Variants in FBXL17 observed in about 807,000 individuals in gnomAD.
FBXL17 encodes F-box and leucine rich repeat protein 17.
Under a neutral mutation model 66.2 loss-of-function variants are expected in FBXL17, and 22 were observed. The ratio of observed to expected loss-of-function variants is 0.33; its 90% CI spans 0.24 to 0.47. The LOEUF is 0.47. Ranked by LOEUF, FBXL17 falls within the 20% of genes least tolerant of loss-of-function variation. FBXL17 has a pLI of 1.00. For synonymous variants in FBXL17, 474 were observed against 400.5 expected, an observed-to-expected ratio of 1.18 and a Z score of -2.19; for missense variants, 878 against 948.2, an observed-to-expected ratio of 0.93 and a Z score of 0.97.
intron 5 of FBXL17, among the ~76,000 whole-genome samples, chr5:108,188,315 G>A (rs1233258387): frequency 6.6e-6 from 1 of 152,264 alleles, no homozygotes; most frequent in East Asian, 1.9e-4. Context: ...CACAACAGCA[G>A]GTAAATTCTT....
chr5:108,380,808 C>T lies in FBXL17; in HGVS notation c.884G>A (p.Cys295Tyr), dbSNP rs892536279. The T allele has an allele frequency of 2.4e-6, 3 of 1,248,204 alleles. No individual in the cohort carries two copies. In the South Asian group the frequency reaches 1.2e-4, roughly 51 times the overall value. The allele number at this position is 1,248,204 out of a possible 1,614,324, so 77.3% of individuals were successfully genotyped here. A position where few individuals can be genotyped will look rare whatever the true frequency, so the allele number is the denominator to read the frequency against. ...GGACTCCCGACAGTCCGCGTCGCCA[C>T]ATTCATGCTGCTGCTGGGCGGACAA... ...APLSAQQQHE[C>Y]GDADCRESPE... Residue 295 changes from cysteine to tyrosine, a missense_variant, in exon 1 of 9, where the codon TGT becomes TAT. Physicochemically the swap from Cys to Tyr is radical, Grantham distance 194. Coordinates refer to ENST00000542267, the MANE Select transcript of FBXL17 (RefSeq NM_001163315.3).
At chr5:107,949,728 T>C (rs1751436324) in intron 7 of FBXL17, among the ~76,000 whole-genome samples, 1 of 152,226 alleles carries the variant, frequency 6.6e-6, no homozygotes, top group Non-Finnish European at 1.5e-5. Flanking sequence ...CACTTAATGA[T>C]ATGCTAGGAG....
At chr5:108,206,770 A>G (rs1287145138) in intron 5 of FBXL17, among the ~76,000 whole-genome samples, 1 of 152,174 alleles carries the variant, frequency 6.6e-6, no homozygotes, top group Non-Finnish European at 1.5e-5. Context: ...ACATACACCA[A>G]CTGACAGACA....
intron 4 of FBXL17, among the ~76,000 whole-genome samples, chr5:108,301,601 T>C (rs73781315): frequency 0.018 from 2,685 of 151,848 alleles, 80 homozygotes; most frequent in African/African-American, 0.061. Context: ...TGCAGTACCA[T>C]AGGTCTAATC....
chr5:108,031,138 G>A (rs1052900702), intron 6 of FBXL17, among the ~76,000 whole-genome samples: 3 of 151,972 alleles, frequency 2.0e-5, no homozygotes, highest in Non-Finnish European at 4.4e-5. Flanking sequence ...TATATACTCA[G>A]GGAAGCATTA....
intron 7 of FBXL17, among the ~76,000 whole-genome samples, chr5:107,974,513 G>C (rs1268461862): frequency 6.6e-6 from 1 of 152,046 alleles, no homozygotes; most frequent in African/African-American, 2.4e-5. Flanking sequence ...ATTTCCATCA[G>C]ACAATATTTC....
chr5:108,374,946 A>G (rs1369272576), intron 1 of FBXL17, among the ~76,000 whole-genome samples: 1 of 152,150 alleles, frequency 6.6e-6, no homozygotes, highest in Admixed American at 6.5e-5. Context: ...AGAAACTATA[A>G]AAAGAAAACT....
In FBXL17 at chr5:108,365,010, G is replaced by C; in HGVS notation, c.1117-15C>G. The stretch of plus-strand genomic sequence containing the variant: ...TCATCAGTGACCTGTAAGAGAAAAA[G>C]CAATAAATTTAAACTTTTGCTAAAA... On this transcript the variant is annotated splice_polypyrimidine_tract_variant and intron_variant, in intron 2 of 8. Coordinates refer to ENST00000542267, the MANE Select transcript of FBXL17 (RefSeq NM_001163315.3). The C allele has an allele frequency of 6.4e-7, 1 of 1,570,658 alleles. No homozygotes were observed. Among genetic ancestry groups the C allele is most frequent in the Non-Finnish European group, 8.6e-7 (1 of 1,158,014 alleles).
intron 6 of FBXL17, among the ~76,000 whole-genome samples, chr5:108,076,441 T>C (rs1442881893): frequency 6.6e-6 from 1 of 152,194 alleles, no homozygotes; most frequent in Non-Finnish European, 1.5e-5. Context: ...GTTAACATTA[T>C]AATAAGTATA....
At chr5:108,162,675 T>C (rs1432090943) in intron 6 of FBXL17, among the ~76,000 whole-genome samples, 1 of 152,222 alleles carries the variant, frequency 6.6e-6, no homozygotes, top group East Asian at 1.9e-4. Context: ...AAAATTGTTT[T>C]CTACCTATAC....
intron 4 of FBXL17, among the ~76,000 whole-genome samples, chr5:108,343,842 T>C (rs1214056537): frequency 2.0e-5 from 3 of 152,140 alleles, no homozygotes; most frequent in Non-Finnish European, 4.4e-5. Context: ...ACAGCCCAAT[T>C]CAAATTAGTA....
At chr5:107,986,785 A>G (rs888199547) in intron 7 of FBXL17, among the ~76,000 whole-genome samples, 9 of 152,048 alleles carry the variant, frequency 5.9e-5, no homozygotes, top group Middle Eastern at 3.2e-3. Context: ...CCCTATTTAT[A>G]ATGACAATTT....
chr5:108,150,079 T>C (rs1168280170), intron 6 of FBXL17, among the ~76,000 whole-genome samples: 1 of 152,216 alleles, frequency 6.6e-6, no homozygotes, highest in Non-Finnish European at 1.5e-5. Context: ...TCTCTCATCA[T>C]ACATTTTTCT....
At chr5:107,916,572 T>C (rs900482529) in intron 7 of FBXL17, among the ~76,000 whole-genome samples, 3 of 150,996 alleles carry the variant, frequency 2.0e-5, no homozygotes, top group Non-Finnish European at 4.4e-5. Context: ...CAACAATAAA[T>C]AGACATTATG....
chr5:107,964,597 A>G (rs1345780561), intron 7 of FBXL17, among the ~76,000 whole-genome samples: 2 of 152,090 alleles, frequency 1.3e-5, no homozygotes, highest in African/African-American at 4.8e-5. Flanking sequence ...ATTTTGTCCC[A>G]TTATCATTAG....
intron 4 of FBXL17, among the ~76,000 whole-genome samples, chr5:108,330,803 A>T (rs994679484): frequency 6.6e-6 from 1 of 152,090 alleles, no homozygotes; most frequent in African/African-American, 2.4e-5. Context: ...TGCCCACATG[A>T]GCTTTCCACT....
At position 108,146,125 on chromosome 5, in the gene FBXL17, G is replaced by A. The variant is rs558750860; in HGVS notation, c.1745+39992C>T. On this transcript the variant is annotated intron_variant, in intron 6 of 8. Coordinates refer to ENST00000542267, the MANE Select transcript of FBXL17 (RefSeq NM_001163315.3). ...CGGGCACCTGCAGTCCCAGCTACTC[G>A]GGAGGCTGATGCAGGAGAATGGCGT... 1.5e-3 allele frequency among the ~76,000 whole-genome samples: 221 copies of A among 152,036 alleles called. 2 individuals carry two copies. The highest frequency in any genetic ancestry group is 5.2e-3 in the African/African-American group (217 of 41,466).
At chr5:108,302,035 T>C (rs561768455) in intron 4 of FBXL17, 9 of 984,984 alleles carry the variant, frequency 9.1e-6, no homozygotes, top group Admixed American at 1.2e-4. Flanking sequence ...ATGACATTTC[T>C]GTGCGCCAAC....
At chr5:107,958,558 T>C (rs942274078) in intron 7 of FBXL17, among the ~76,000 whole-genome samples, 1 of 152,192 alleles carries the variant, frequency 6.6e-6, no homozygotes, top group Non-Finnish European at 1.5e-5. Flanking sequence ...CACTGAAACA[T>C]AGATGACTTA....
Sources: gnomAD v4.1 joint callset for allele counts (sites outside exome capture counted in the v4.1 genomes callset) on GRCh38, gnomAD v4.1.1 for gene constraint, MANE v1.5 for transcripts, NCBI Gene and HGNC (gene_info 2026-07-23, HGNC 2026-07-21) for gene names.